PCDHA2: variants seen among roughly 807,000 people sequenced by gnomAD.
PCDHA2 encodes the protein protocadherin alpha-2.
In PCDHA2, 58 loss-of-function variants were observed where a neutral mutation model predicts 66.0. That is an observed-to-expected ratio of 0.88 (90% CI 0.71 to 1.09). The LOEUF is 1.09. Ranked by LOEUF, PCDHA2 falls within the 50% of genes least tolerant of loss-of-function variation. PCDHA2 has a pLI of 0.00. For missense variants in PCDHA2, 1,267 were observed against 1,242.3 expected (o/e 1.02, Z -0.30); for synonymous variants, 634 against 554.0 (o/e 1.14, Z -2.03).
chr5:140,835,998 G>A lies in PCDHA2; in HGVS notation c.2388+38646G>A, dbSNP rs2150249955. On this transcript the variant is annotated intron_variant, in intron 1 of 3. Transcript: ENST00000526136. The stretch of plus-strand genomic sequence containing the variant: ...GTTGCAGTTCCAGGTGAGCGCGCGC[G>A]ATGCGGGCGTGCCGCCTCTGGGCAG... 5.0e-6 allele frequency: 8 copies of A among 1,613,264 alleles called. No individual in the cohort carries two copies. The highest frequency in any genetic ancestry group is 1.1e-5 in the South Asian group (1 of 91,076).
chr5:140,953,443 A>G (rs1434216967), intron 1 of PCDHA2, among the ~76,000 whole-genome samples: 1 of 152,078 alleles, frequency 6.6e-6, no homozygotes, highest in Non-Finnish European at 1.5e-5. Flanking sequence ...TGGAGAAACT[A>G]GGGATTATCT....
intron 1 of PCDHA2, chr5:140,875,290 A>AT (rs1231810985): frequency 7.9e-6 from 11 of 1,396,906 alleles, no homozygotes; most frequent in Non-Finnish European, 1.0e-5. Context: ...AAACAGGAAA[A>AT]TTTTTTTCTC....
chr5:140,802,545 G>A (rs1305664229), intron 1 of PCDHA2: 6 of 1,614,102 alleles, frequency 3.7e-6, no homozygotes, highest in African/African-American at 1.3e-5. Flanking sequence ...CGACGTGAAC[G>A]ACAATGCGCC....
chr5:140,880,066 C>T (rs1582502313), intron 1 of PCDHA2, among the ~76,000 whole-genome samples: 1 of 152,176 alleles, frequency 6.6e-6, no homozygotes, highest in East Asian at 1.9e-4. Flanking sequence ...TTTTTGGGGA[C>T]CACAATTCAA....
At chr5:140,927,793 C>A in intron 1 of PCDHA2, 1 of 1,614,180 alleles carries the variant, frequency 6.2e-7, no homozygotes, top group Non-Finnish European at 8.5e-7. Context: ...TTCACTAGGT[C>A]CGCCTGAAAC....
Position 140,856,394 on chromosome 5 carries a change from T to C in PCDHA2, c.2388+59042T>C, listed in dbSNP as rs782124565. On this transcript the variant is annotated intron_variant, in intron 1 of 3. Coordinates refer to ENST00000526136, the MANE Select transcript of PCDHA2 (RefSeq NM_018905.3). The stretch of plus-strand genomic sequence containing the variant: ...GATCGTGGACAGGCCGCTGCAGGTT[T>C]TCCATGTGGACGTGGAAGTGAAGGA... The C allele has an allele frequency of 2.5e-6, 4 of 1,598,384 alleles. No individual in the cohort carries two copies. The African/African-American group carries it at 5.4e-5, about 22-fold the overall frequency.
chr5:140,802,672 A>G (rs1554122273), intron 1 of PCDHA2: 15 of 1,613,198 alleles, frequency 9.3e-6, no homozygotes, highest in Non-Finnish European at 1.2e-5. Context: ...CTGGTGTCCT[A>G]CTCGCTGGTG....
At chr5:140,870,153 CG>C (rs1562639258) in intron 1 of PCDHA2, 2 of 1,614,088 alleles carry the variant, frequency 1.2e-6, no homozygotes, top group South Asian at 2.2e-5. Flanking sequence ...CTGAAGTCGC[CG>C]TGACTTCCTT....
At chr5:140,958,888 A>G (rs1563299951) in intron 1 of PCDHA2, among the ~76,000 whole-genome samples, 3 of 152,040 alleles carry the variant, frequency 2.0e-5, no homozygotes, top group African/African-American at 7.2e-5. Flanking sequence ...ACCAGTAGCT[A>G]TATAATAGAT....
chr5:140,937,322 C>T (rs2091472402), intron 1 of PCDHA2, among the ~76,000 whole-genome samples: 1 of 152,084 alleles, frequency 6.6e-6, no homozygotes, highest in Non-Finnish European at 1.5e-5. Context: ...CAGGCGTGAG[C>T]CACCGCGCCC....
At chr5:140,858,313 G>A (rs781800844) in intron 1 of PCDHA2, 1 of 1,597,108 alleles carries the variant, frequency 6.3e-7, no homozygotes, top group Non-Finnish European at 8.6e-7. Flanking sequence ...GGCGGCAGAG[G>A]GTGTGTTCTG....
chr5:140,795,812 G>A lies in PCDHA2; in HGVS notation c.848G>A (p.Ser283Asn), dbSNP rs782218525. 6.2e-7 allele frequency: 1 copy of A among 1,613,794 alleles called. No individual in the cohort carries two copies. The highest frequency in any genetic ancestry group is 1.1e-5 in the South Asian group (1 of 91,076). Reference protein sequence around the residue: ...PNSEIVYSLGSDVSSTIQTKF... With the variant: ...PNSEIVYSLGNDVSSTIQTKF... ...AGCGAGATTGTGTATTCACTCGGTA[G>A]TGATGTGTCCTCCACTATACAGACT... Residue 283 changes from serine to asparagine, a missense_variant, in exon 1 of 4, where the codon AGT becomes AAT. By Grantham distance (46) the Ser-to-Asn change is conservative. Coordinates refer to ENST00000526136, the MANE Select transcript of PCDHA2 (RefSeq NM_018905.3).
At chr5:140,836,003 G>C (rs1456412206) in intron 1 of PCDHA2, 7 of 1,613,210 alleles carry the variant, frequency 4.3e-6, no homozygotes, top group East Asian at 2.2e-5. Flanking sequence ...CGCGCGATGC[G>C]GGCGTGCCGC....
At position 140,796,817 on chromosome 5, in the gene PCDHA2, C is replaced by G. The variant is rs1218904769; in HGVS notation, c.1853C>G (p.Ala618Gly). The G allele has an allele frequency of 1.9e-6, 3 of 1,614,134 alleles. No individual in the cohort carries two copies. Among genetic ancestry groups the G allele is most frequent in the Non-Finnish European group, 2.5e-6 (3 of 1,179,984 alleles). Residue 618 changes from alanine (A) to glycine (G), a missense_variant, in exon 1 of 4, where the codon GCT (alanine) becomes GGT (glycine). Physicochemically the swap from Ala to Gly is moderately conservative, Grantham distance 60. Transcript: ENST00000526136. ...SYELQLGTGS[A>G]RIPFRVGLYT... Reference sequence around the variant, plus strand: ...GAGCTTCAGCTGGGTACTGGCAGCGCTCGCATCCCGTTCCGCGTGGGGCTA... The same window carrying G: ...GAGCTTCAGCTGGGTACTGGCAGCGGTCGCATCCCGTTCCGCGTGGGGCTA...
intron 1 of PCDHA2, among the ~76,000 whole-genome samples, chr5:140,933,209 G>GTC (rs140472192): frequency 0.32 from 48,939 of 151,636 alleles, 8,153 homozygotes; most frequent in East Asian, 0.53. Flanking sequence ...TAAATTACAT[G>GTC]TCTGTTATAT....
chr5:140,967,769 G>A (rs1213232834), intron 1 of PCDHA2: 1 of 1,614,104 alleles, frequency 6.2e-7, no homozygotes, highest in Non-Finnish European at 8.5e-7. Flanking sequence ...CCAGATCTAT[G>A]TGCAGGCGAC....
chr5:140,860,534 AAGAC>A, intron 1 of PCDHA2: 1 of 152,306 alleles, frequency 6.6e-6, no homozygotes, highest in Middle Eastern at 3.4e-3. Flanking sequence ...TCTGATTTGT[AAGAC>A]AAACCCACCT....
intron 2 of PCDHA2, among the ~76,000 whole-genome samples, chr5:140,981,928 T>A (rs141616160): frequency 6.6e-6 from 1 of 152,202 alleles, no homozygotes; most frequent in African/African-American, 2.4e-5. Context: ...GTTTCTCTAG[T>A]CTCAGGAAAT....
At chr5:140,876,015 A>G (rs1479938988) in intron 1 of PCDHA2, 3 of 1,613,662 alleles carry the variant, frequency 1.9e-6, no homozygotes, top group Non-Finnish European at 2.5e-6. Flanking sequence ...TTGAGCTTAA[A>G]ATAAAAACAA....
Sources: allele counts gnomAD v4.1 joint callset (sites outside exome capture counted in the v4.1 genomes callset), GRCh38; gene constraint gnomAD v4.1.1; transcripts MANE v1.5; gene names NCBI Gene and HGNC (gene_info 2026-07-23, HGNC 2026-07-21).